The following CFAP299 variants were observed in gnomAD, a reference collection of about 807,000 sequenced individuals.
CFAP299 encodes cilia- and flagella-associated protein 299.
Under a neutral mutation model 27.0 loss-of-function variants are expected in CFAP299, and 21 were observed. The ratio of observed to expected loss-of-function variants is 0.78; its 90% CI spans 0.55 to 1.12. The LOEUF (loss-of-function observed/expected upper bound fraction) is 1.12, where lower values mean the gene tolerates loss of function less well. Among genes scored for constraint, CFAP299 ranks in the 50% most tolerant of loss-of-function variants. CFAP299 has a pLI of 0.00. For synonymous variants in CFAP299, 104 were observed against 98.1 expected (o/e 1.06, Z -0.36); for missense variants, 310 against 276.6 (o/e 1.12, Z -0.86).
At chr4:80,918,001 A>T (rs899529867) in intron 4 of CFAP299, among the ~76,000 whole-genome samples, 2 of 152,198 alleles carry the variant, frequency 1.3e-5, no homozygotes, top group Admixed American at 1.3e-4. Context: ...TGGCATATTT[A>T]GAACAAAAAT....
intron 3 of CFAP299, among the ~76,000 whole-genome samples, chr4:80,588,143 C>T (rs1736542317): frequency 1.3e-5 from 2 of 151,144 alleles, no homozygotes; most frequent in South Asian, 4.1e-4. Flanking sequence ...TGCTTGTATA[C>T]ATTTCCTTCC....
At chr4:80,858,599 G>A (rs1578189638) in intron 3 of CFAP299, among the ~76,000 whole-genome samples, 1 of 151,944 alleles carries the variant, frequency 6.6e-6, no homozygotes, top group South Asian at 2.1e-4. Flanking sequence ...AGGGATTCTG[G>A]TATGTTGTGT....
intron 4 of CFAP299, among the ~76,000 whole-genome samples, chr4:80,873,434 C>T (rs1286282184): frequency 6.6e-6 from 1 of 152,118 alleles, no homozygotes; most frequent in East Asian, 1.9e-4. Flanking sequence ...ATTCAGCTTC[C>T]ATCTTAACTA....
intron 4 of CFAP299, among the ~76,000 whole-genome samples, chr4:80,891,454 T>A (rs1299848629): frequency 6.6e-6 from 1 of 150,912 alleles, no homozygotes; most frequent in Non-Finnish European, 1.5e-5. Flanking sequence ...GATGAGTTCA[T>A]GTCCTTTGTA....
chr4:80,504,082 G>T (rs1004629488), intron 2 of CFAP299, among the ~76,000 whole-genome samples: 5 of 152,028 alleles, frequency 3.3e-5, no homozygotes, highest in Admixed American at 3.3e-4. Context: ...GTGCTTAAAA[G>T]GGTGGTATAT....
intron 2 of CFAP299, among the ~76,000 whole-genome samples, chr4:80,523,665 C>T (rs1300093201): frequency 6.6e-6 from 1 of 152,030 alleles, no homozygotes; most frequent in African/African-American, 2.4e-5. Flanking sequence ...CTAGAACACC[C>T]ATCTTATCCT....
intron 3 of CFAP299, among the ~76,000 whole-genome samples, chr4:80,709,260 A>G (rs565173222): frequency 9.2e-5 from 14 of 152,308 alleles, no homozygotes; most frequent in African/African-American, 3.4e-4. Context: ...TTTGAAAGAC[A>G]TTTTGGCTTA....
At chr4:80,581,285 A>G (rs1253212026) in intron 2 of CFAP299, among the ~76,000 whole-genome samples, 1 of 151,496 alleles carries the variant, frequency 6.6e-6, no homozygotes, top group African/African-American at 2.4e-5. Context: ...TAATATTAAA[A>G]TAGTACATAG....
chr4:80,786,557 T>C (rs1480107887), intron 3 of CFAP299, among the ~76,000 whole-genome samples: 1 of 152,144 alleles, frequency 6.6e-6, no homozygotes, highest in Non-Finnish European at 1.5e-5. Flanking sequence ...CAAACCTAAA[T>C]TATGCTTTCC....
At chr4:80,401,318 C>G (rs1404172332) in intron 2 of CFAP299, among the ~76,000 whole-genome samples, 2 of 152,190 alleles carry the variant, frequency 1.3e-5, no homozygotes, top group Non-Finnish European at 2.9e-5. Flanking sequence ...ACAGCAGCCC[C>G]TCCCATCACA....
intron 4 of CFAP299, among the ~76,000 whole-genome samples, chr4:80,887,316 G>C (rs965534087): frequency 1.3e-5 from 2 of 151,948 alleles, no homozygotes; most frequent in African/African-American, 4.8e-5. Flanking sequence ...GATGAAGAAA[G>C]AATCCTAAAA....
intron 1 of CFAP299, among the ~76,000 whole-genome samples, chr4:80,338,917 A>G (rs1443011883): frequency 6.6e-6 from 1 of 152,220 alleles, no homozygotes; most frequent in Non-Finnish European, 1.5e-5. Context: ...ACAAATAATC[A>G]TATAATCTGT....
At chr4:80,583,290 AAT>A (rs1232127635) in intron 3 of CFAP299, 107 bp downstream of exon 3, 16 of 543,270 alleles carry the variant, frequency 2.9e-5, no homozygotes, top group Non-Finnish European at 4.6e-5. Context: ...CAAGATATAA[AAT>A]ATGATTCCTC....
chr4:80,904,818 G>A (rs1735101039), intron 4 of CFAP299, among the ~76,000 whole-genome samples: 1 of 152,128 alleles, frequency 6.6e-6, no homozygotes, highest in Non-Finnish European at 1.5e-5. Context: ...CCAATGTTTG[G>A]TCAAACTGGT....
chr4:80,582,637 G>A (rs79501354), intron 2 of CFAP299, among the ~76,000 whole-genome samples: 1,816 of 151,756 alleles, frequency 0.012, 20 homozygotes, highest in African/African-American at 0.025. Flanking sequence ...ACCTAGTTTC[G>A]TTTCCTGCCT....
Position 80,859,998 on chromosome 4 carries a change from CAG to C in CFAP299, c.334-9992_334-9991del, listed in dbSNP as rs1169396756. ...GGAAGTTCTCCTGGATAATATCCTG[CAG>C]AGTGTTTTCCAACTTGGTTCCATTC... On this transcript the variant is annotated intron_variant, in intron 3 of 5. Coordinates refer to ENST00000358105, the MANE Select transcript of CFAP299 (RefSeq NM_152770.3). Among the ~76,000 whole-genome samples, 17 of 152,296 alleles carry C rather than the reference CAG, an allele frequency of 1.1e-4. 1 individual carries two copies. The East Asian group carries it at 3.3e-3, about 29-fold the overall frequency.
chr4:80,483,663 TATACATC>T (rs1730676384), intron 2 of CFAP299, among the ~76,000 whole-genome samples: 3 of 152,128 alleles, frequency 2.0e-5, no homozygotes, highest in Non-Finnish European at 4.4e-5. Flanking sequence ...TTCTAAAGGG[TATACATC>T]AAATGTTGAA....
intron 3 of CFAP299, among the ~76,000 whole-genome samples, chr4:80,630,234 C>A (rs1739137102): frequency 6.6e-6 from 1 of 152,014 alleles, no homozygotes; most frequent in Non-Finnish European, 1.5e-5. Flanking sequence ...TTTTTCTTTT[C>A]TTGTGGTAGG....
chr4:80,681,659 A>G (rs1279653898), intron 3 of CFAP299, among the ~76,000 whole-genome samples: 2 of 152,226 alleles, frequency 1.3e-5, no homozygotes, highest in African/African-American at 2.4e-5. Context: ...GCATAAAAAC[A>G]GAATCAAATT....
Sources: allele counts gnomAD v4.1 joint callset (sites outside exome capture counted in the v4.1 genomes callset), GRCh38; gene constraint gnomAD v4.1.1; transcripts MANE v1.5; gene names NCBI Gene and HGNC (gene_info 2026-07-23, HGNC 2026-07-21).